The following DSCAM variants were observed in gnomAD, a reference collection of about 807,000 sequenced individuals.
The protein encoded by DSCAM is cell adhesion molecule DSCAM.
Under a neutral mutation model 217.7 loss-of-function variants are expected in DSCAM, and 47 were observed. That is an observed-to-expected ratio of 0.22 (90% CI 0.17 to 0.28). DSCAM has a LOEUF of 0.28. DSCAM is among the 10% of genes least tolerant of loss of function. The pLI, the probability that DSCAM is intolerant of heterozygous loss-of-function variation, is 1.00. For synonymous variants in DSCAM, 1,056 were observed against 1,015.3 expected (o/e 1.04, Z -0.76); for missense variants, 2,080 against 2,618.3 (o/e 0.79, Z 4.49).
intron 11 of DSCAM, among the ~76,000 whole-genome samples, chr21:40,202,398 A>T (rs2091079578): frequency 2.0e-5 from 3 of 152,188 alleles, no homozygotes; most frequent in African/African-American, 7.2e-5. Flanking sequence ...TGGGGTGGTG[A>T]ATTCTACCAT....
chr21:40,202,657 G>A (rs1284023264), intron 11 of DSCAM, among the ~76,000 whole-genome samples: 4 of 152,296 alleles, frequency 2.6e-5, no homozygotes, highest in East Asian at 1.9e-4. Flanking sequence ...ATGGGCCAAC[G>A]CCCAGTATTT....
chr21:40,084,037 A>G (rs769602418), intron 23 of DSCAM, 31 bp from the exon 24 acceptor site: 19 of 1,566,686 alleles, frequency 1.2e-5, no homozygotes, highest in Non-Finnish European at 1.2e-5. Flanking sequence ...AGAAAACAAG[A>G]ATTAGTTTTT....
intron 3 of DSCAM, among the ~76,000 whole-genome samples, chr21:40,620,723 T>C (rs1270857027): frequency 6.6e-6 from 1 of 152,244 alleles, no homozygotes; most frequent in Admixed American, 6.5e-5. Flanking sequence ...TGACAGCTTT[T>C]TATAGAATTA....
chr21:40,655,261 T>C (rs1334663589), intron 3 of DSCAM, among the ~76,000 whole-genome samples: 1 of 152,132 alleles, frequency 6.6e-6, no homozygotes, highest in Non-Finnish European at 1.5e-5. Context: ...AGAGACCAGG[T>C]CATTTAGAAA....
intron 3 of DSCAM, among the ~76,000 whole-genome samples, chr21:40,668,883 GA>G (rs150420626): frequency 6.6e-6 from 1 of 151,638 alleles, no homozygotes; most frequent in South Asian, 2.1e-4. Flanking sequence ...TAGTGATTGG[GA>G]AAAAAACAAA....
chr21:40,437,999 AC>A (rs1379411098), intron 3 of DSCAM, among the ~76,000 whole-genome samples: 3 of 152,178 alleles, frequency 2.0e-5, no homozygotes, highest in Non-Finnish European at 2.9e-5. Context: ...CCCTGTATTG[AC>A]CTTGAAGCTG....
chr21:40,680,830 G>A (rs892597227), intron 3 of DSCAM, among the ~76,000 whole-genome samples: 19 of 150,016 alleles, frequency 1.3e-4, no homozygotes, highest in African/African-American at 3.9e-4. Flanking sequence ...CACAGGTGAC[G>A]ATTTAGCCAA....
intron 3 of DSCAM, among the ~76,000 whole-genome samples, chr21:40,520,664 G>C (rs1481332333): frequency 6.6e-6 from 1 of 151,962 alleles, no homozygotes; most frequent in Non-Finnish European, 1.5e-5. Context: ...AAAATTAGCC[G>C]GGCATGGTGG....
chr21:40,467,094 G>A (rs1181627958), intron 3 of DSCAM, among the ~76,000 whole-genome samples: 1 of 152,036 alleles, frequency 6.6e-6, no homozygotes, highest in Non-Finnish European at 1.5e-5. Flanking sequence ...GCCACCAGAG[G>A]GCTCCCAGAT....
chr21:40,025,608 A>G lies in DSCAM; in HGVS notation c.5687-12222T>C, dbSNP rs558151714. Among the ~76,000 whole-genome samples, 1,503 of 150,704 alleles carry G rather than the reference A, an allele frequency of 1.0e-2. 48 individuals are homozygous for G. The highest frequency in any genetic ancestry group is 0.035 in the African/African-American group (1,430 of 40,636). ...TCCTGGTTTAGTCTTGGGAGAGTGT[A>G]TGTGTCGAGGAATTTATCCATTTCT... On this transcript the variant is annotated intron_variant, in intron 32 of 32. Coordinates refer to ENST00000400454, the MANE Select transcript of DSCAM (RefSeq NM_001389.5).
chr21:40,620,856 C>T (rs1337095070), intron 3 of DSCAM, among the ~76,000 whole-genome samples: 1 of 152,190 alleles, frequency 6.6e-6, no homozygotes, highest in Non-Finnish European at 1.5e-5. Flanking sequence ...AACAACCTCC[C>T]TTTCAGTAGG....
chr21:40,659,863 C>T (rs567559261), intron 3 of DSCAM, among the ~76,000 whole-genome samples: 2 of 152,210 alleles, frequency 1.3e-5, no homozygotes, highest in African/African-American at 4.8e-5. Context: ...TATTTTCAGA[C>T]AGGTTGCCAA....
At chr21:40,482,753 T>G (rs2075993770) in intron 3 of DSCAM, among the ~76,000 whole-genome samples, 1 of 152,186 alleles carries the variant, frequency 6.6e-6, no homozygotes, top group African/African-American at 2.4e-5. Flanking sequence ...CCCCTATGTT[T>G]TCTCCCAAAG....
intron 11 of DSCAM, among the ~76,000 whole-genome samples, chr21:40,214,229 T>C (rs977374500): frequency 1.3e-5 from 2 of 152,202 alleles, no homozygotes; most frequent in African/African-American, 4.8e-5. Flanking sequence ...CTGGCCACTT[T>C]GGAAATAAGA....
chr21:40,256,332 C>T (rs1010367530), intron 11 of DSCAM, among the ~76,000 whole-genome samples: 1 of 151,820 alleles, frequency 6.6e-6, no homozygotes, highest in African/African-American at 2.4e-5. Context: ...AACTTTTAGG[C>T]CACTAATATC....
At chr21:40,632,784 T>C (rs563026699) in intron 3 of DSCAM, among the ~76,000 whole-genome samples, 1 of 152,288 alleles carries the variant, frequency 6.6e-6, no homozygotes, top group South Asian at 2.1e-4. Context: ...CACTTAACTG[T>C]GCTGCATCCA....
chr21:40,521,558 C>CT (rs2076359270), intron 3 of DSCAM, among the ~76,000 whole-genome samples: 1 of 139,706 alleles, frequency 7.2e-6, no homozygotes, highest in Admixed American at 7.2e-5. Context: ...TGTATATCTT[C>CT]TTTTTAATTT....
At chr21:40,750,043 T>C (rs932192171) in intron 1 of DSCAM, among the ~76,000 whole-genome samples, 50 of 152,194 alleles carry the variant, frequency 3.3e-4, no homozygotes, top group Middle Eastern at 6.8e-3. Context: ...TTCTCCTGCC[T>C]CAGCCTCCTG....
chr21:40,207,148 T>G (rs1233133028), intron 11 of DSCAM, among the ~76,000 whole-genome samples: 1 of 152,056 alleles, frequency 6.6e-6, no homozygotes, highest in East Asian at 1.9e-4. Context: ...AGTAAAAAAG[T>G]ATTATTATGC....
Sources: gnomAD v4.1 joint callset for allele counts (sites outside exome capture counted in the v4.1 genomes callset) on GRCh38, gnomAD v4.1.1 for gene constraint, MANE v1.5 for transcripts, NCBI Gene and HGNC (gene_info 2026-07-23, HGNC 2026-07-21) for gene names.